The following CNTN3 variants were observed in gnomAD, a reference collection of about 807,000 sequenced individuals.
The protein encoded by CNTN3 is contactin 3.
CNTN3 carries 60 observed loss-of-function variants against 119.1 expected under a neutral mutation model. The observed-to-expected ratio is 0.50, with a 90% CI of 0.41 to 0.62. The LOEUF is 0.62. Ranked by LOEUF, CNTN3 falls within the 20% of genes least tolerant of loss-of-function variation. CNTN3 has a pLI of 0.00. For synonymous variants in CNTN3, 450 were observed against 438.7 expected, an observed-to-expected ratio of 1.03 and a Z score of -0.32; for missense variants, 1,101 against 1,242.4, an observed-to-expected ratio of 0.89 and a Z score of 1.71.
chr3:74,550,503 T>G (rs1008474249), intron 1 of CNTN3, among the ~76,000 whole-genome samples: 1 of 152,188 alleles, frequency 6.6e-6, no homozygotes, highest in Non-Finnish European at 1.5e-5. Context: ...GGTCAGCTGA[T>G]AGCAGCCACT....
intron 1 of CNTN3, among the ~76,000 whole-genome samples, chr3:74,569,647 G>C (rs1007618986): frequency 2.0e-5 from 3 of 152,178 alleles, no homozygotes; most frequent in African/African-American, 7.2e-5. Context: ...TTTGTGTACT[G>C]ATTTTCTATT....
At chr3:74,418,727 C>T (rs1482927692) in intron 5 of CNTN3, among the ~76,000 whole-genome samples, 1 of 152,056 alleles carries the variant, frequency 6.6e-6, no homozygotes, top group Non-Finnish European at 1.5e-5. Context: ...CCTATACATA[C>T]ATTCTTGACT....
In CNTN3 at chr3:74,491,604, A is replaced by G. The variant is rs756932492; in HGVS notation, c.183-4973T>C. Among the ~76,000 whole-genome samples the G allele has an allele frequency of 3.9e-5, 6 of 152,112 alleles. No homozygotes were observed. The South Asian group carries it at 6.2e-4, about 16-fold the overall frequency. On this transcript the variant is annotated intron_variant, in intron 3 of 22. Coordinates refer to ENST00000263665, the MANE Select transcript of CNTN3 (RefSeq NM_020872.3). ...TGTGTCCAATAAATCTTCAAATTAG[A>G]CTCATTTTCTTTGCAGGAAACTGTA...
intron 4 of CNTN3, among the ~76,000 whole-genome samples, chr3:74,466,381 C>T (rs1483727822): frequency 6.6e-6 from 1 of 152,040 alleles, no homozygotes; most frequent in Admixed American, 6.6e-5. Context: ...GATAAAATAT[C>T]AATAACAAAG....
At chr3:74,501,282 C>T (rs1180495313) in intron 2 of CNTN3, among the ~76,000 whole-genome samples, 1 of 152,026 alleles carries the variant, frequency 6.6e-6, no homozygotes, top group Non-Finnish European at 1.5e-5. Context: ...ACCACATGTG[C>T]AACCAGTCAG....
chr3:74,383,945 G>A (rs1405625708), intron 5 of CNTN3, among the ~76,000 whole-genome samples: 1 of 152,132 alleles, frequency 6.6e-6, no homozygotes, highest in African/African-American at 2.4e-5. Flanking sequence ...GTCCTAATTC[G>A]ACTTCAAAGC....
At chr3:74,554,386 G>C (rs1704038699) in intron 1 of CNTN3, among the ~76,000 whole-genome samples, 1 of 152,168 alleles carries the variant, frequency 6.6e-6, no homozygotes, top group African/African-American at 2.4e-5. Flanking sequence ...GTCCAGGATT[G>C]TCTTGGCTAT....
intron 13 of CNTN3, among the ~76,000 whole-genome samples, chr3:74,318,730 G>A (rs1488946200): frequency 6.6e-6 from 1 of 152,134 alleles, no homozygotes; most frequent in Non-Finnish European, 1.5e-5. Flanking sequence ...TTGTCTCAGA[G>A]GAGTACCTGG....
rs150171513 is a variant in CNTN3 at position 74,377,554 on chromosome 3, T to A, written c.455-6155A>T. Among the ~76,000 whole-genome samples, 142 of 152,340 alleles carry A rather than the reference T, an allele frequency of 9.3e-4. 3 individuals are homozygous for A. In the East Asian group the frequency reaches 0.025, roughly 27 times the overall value. On this transcript the variant is annotated intron_variant, in intron 5 of 22. Coordinates refer to ENST00000263665, the MANE Select transcript of CNTN3 (RefSeq NM_020872.3). ...CTGTAATAAAAATGATAATTTGATATACTCAAACAAGCTAGTCTTTACAAA... is the reference window on the plus strand; with the variant it reads ...CTGTAATAAAAATGATAATTTGATAAACTCAAACAAGCTAGTCTTTACAAA...
chr3:74,405,443 C>T (rs540800293), intron 5 of CNTN3, among the ~76,000 whole-genome samples: 2 of 152,060 alleles, frequency 1.3e-5, no homozygotes, highest in Non-Finnish European at 2.9e-5. Context: ...ATTTTAGTTC[C>T]ACATTGTTTT....
chr3:74,294,371 G>A (rs1006258529), intron 19 of CNTN3, among the ~76,000 whole-genome samples: 1 of 152,112 alleles, frequency 6.6e-6, no homozygotes, highest in East Asian at 1.9e-4. Flanking sequence ...CTGTGACCTG[G>A]TCCTCCCATG....
Position 74,446,605 on chromosome 3 carries a change from G to C in CNTN3, c.359-21665C>G, listed in dbSNP as rs142349894. Among the ~76,000 whole-genome samples the C allele has an allele frequency of 2.0e-3, 309 of 150,968 alleles. 1 individual carries two copies. The highest frequency in any genetic ancestry group is 7.1e-3 in the African/African-American group (293 of 41,070). ...AGACTTAGTACAGAAAAAAAATTCT[G>C]TGAATAATTTTTATATTGATTATAT... On this transcript the variant is annotated intron_variant, in intron 4 of 22. Coordinates refer to ENST00000263665, the MANE Select transcript of CNTN3 (RefSeq NM_020872.3).
chr3:74,454,669 C>T (rs200968596), intron 4 of CNTN3, among the ~76,000 whole-genome samples: 14 of 151,954 alleles, frequency 9.2e-5, no homozygotes, highest in South Asian at 2.1e-4. Context: ...CTTTCCATGT[C>T]TAGTGCTTCC....
chr3:74,543,852 TG>T (rs1467318750), intron 1 of CNTN3, among the ~76,000 whole-genome samples: 17 of 151,974 alleles, frequency 1.1e-4, no homozygotes, highest in Non-Finnish European at 2.1e-4. Flanking sequence ...AAAAAGAAAC[TG>T]GGGAGGGCAG....
chr3:74,301,907 A>C, intron 14 of CNTN3, 102 bp from the exon 15 acceptor site: 1 of 1,300,586 alleles, frequency 7.7e-7, no homozygotes, highest in Non-Finnish European at 1.1e-6. Context: ...AATATCTCTG[A>C]CTTTTCCCAA....
chr3:74,606,710 A>G (rs942099348), intron 1 of CNTN3, among the ~76,000 whole-genome samples: 18 of 152,140 alleles, frequency 1.2e-4, no homozygotes, highest in Non-Finnish European at 2.4e-4. Flanking sequence ...GATATTGACT[A>G]TATTCTAGAA....
intron 5 of CNTN3, among the ~76,000 whole-genome samples, chr3:74,392,427 C>A (rs2106831630): frequency 6.6e-6 from 1 of 151,886 alleles, no homozygotes; most frequent in Admixed American, 6.5e-5. Flanking sequence ...TTCTTTCTTC[C>A]TTCCTTTCAT....
intron 5 of CNTN3, among the ~76,000 whole-genome samples, chr3:74,382,233 TTATCTA>T (rs1381979313): frequency 1.3e-5 from 2 of 152,080 alleles, no homozygotes; most frequent in African/African-American, 4.8e-5. Context: ...ATAGCAATGT[TTATCTA>T]TAATTGAAAA....
intron 4 of CNTN3, among the ~76,000 whole-genome samples, chr3:74,452,522 A>C (rs1397169871): frequency 6.9e-6 from 1 of 144,772 alleles, no homozygotes; most frequent in Non-Finnish European, 1.5e-5. Flanking sequence ...TCTCCTGCCT[A>C]ATTGCCCTGG....
Sources: allele counts gnomAD v4.1 joint callset (sites outside exome capture counted in the v4.1 genomes callset), GRCh38; gene constraint gnomAD v4.1.1; transcripts MANE v1.5; gene names NCBI Gene and HGNC (gene_info 2026-07-23, HGNC 2026-07-21).